Variants in LSAMP observed in about 807,000 individuals in gnomAD.
The protein encoded by LSAMP is limbic system-associated membrane protein.
A neutral mutation model predicts 38.6 loss-of-function variants in LSAMP; 7 were observed. The observed-to-expected ratio is 0.18, with a 90% CI of 0.10 to 0.34. The LOEUF is 0.34. Ranked by LOEUF, LSAMP falls within the 10% of genes least tolerant of loss-of-function variation. LSAMP has a pLI of 1.00. For missense variants in LSAMP, 313 were observed against 420.0 expected (o/e 0.75, Z 2.23); for synonymous variants, 154 against 166.8 (o/e 0.92, Z 0.59).
intron 3 of LSAMP, among the ~76,000 whole-genome samples, chr3:115,894,508 A>T (rs911640530): frequency 6.6e-6 from 1 of 152,054 alleles, no homozygotes; most frequent in Non-Finnish European, 1.5e-5. Context: ...GAATTTGGGG[A>T]TGAAGAAAAC....
chr3:116,051,392 T>C lies in LSAMP; in HGVS notation c.389-31752A>G, dbSNP rs191765575. 9 of 152,338 alleles carry C rather than the reference T, an allele frequency of 5.9e-5. No homozygotes were observed. In the East Asian group the frequency reaches 1.7e-3, roughly 29 times the overall value. The allele number at this position is 152,338 out of a possible 1,614,324, so 9.4% of individuals were successfully genotyped here. ...CCTGAGATGACTTCCAAAAGCTGCT[T>C]CTTGCAGCACAAATCTCCCTTTGAA... On this transcript the variant is annotated intron_variant, in intron 2 of 6. Coordinates refer to ENST00000490035, the MANE Select transcript of LSAMP (RefSeq NM_002338.5).
chr3:116,092,784 C>G (rs1708152147), intron 1 of LSAMP, among the ~76,000 whole-genome samples: 1 of 152,136 alleles, frequency 6.6e-6, no homozygotes, highest in South Asian at 2.1e-4. Context: ...ATGCTAAAAT[C>G]AGTTTGTACC....
chr3:115,947,659 C>T (rs574529089), intron 3 of LSAMP, among the ~76,000 whole-genome samples: 1 of 152,050 alleles, frequency 6.6e-6, no homozygotes, highest in East Asian at 1.9e-4. Context: ...ATTGTATGCA[C>T]ATTATAATTC....
intron 1 of LSAMP, among the ~76,000 whole-genome samples, chr3:116,401,670 C>CT (rs900377267): frequency 2.0e-5 from 3 of 152,144 alleles, no homozygotes; most frequent in Admixed American, 1.3e-4. Flanking sequence ...GCTTCTGACT[C>CT]TTTTTTTGCA....
chr3:116,389,769 A>T (rs1690038803), intron 1 of LSAMP, among the ~76,000 whole-genome samples: 1 of 152,162 alleles, frequency 6.6e-6, no homozygotes, highest in Non-Finnish European at 1.5e-5. Context: ...TCCTCTACTG[A>T]CTTCTGAACC....
At chr3:116,197,414 G>A (rs1710918287) in intron 1 of LSAMP, among the ~76,000 whole-genome samples, 1 of 152,000 alleles carries the variant, frequency 6.6e-6, no homozygotes. Flanking sequence ...TATAGTGCAG[G>A]CAATCATGGT....
chr3:116,146,691 T>C (rs963996398), intron 1 of LSAMP, among the ~76,000 whole-genome samples: 1 of 151,834 alleles, frequency 6.6e-6, no homozygotes, highest in South Asian at 2.1e-4. Context: ...TGCAGGGAAA[T>C]ACCATCTGAT....
At chr3:116,026,023 G>A (rs537389586) in intron 2 of LSAMP, among the ~76,000 whole-genome samples, 10 of 152,078 alleles carry the variant, frequency 6.6e-5, no homozygotes, top group South Asian at 2.1e-4. Context: ...GGGCTCAAGC[G>A]ATTCTTCTAC....
chr3:116,314,295 T>C (rs1262295073), intron 1 of LSAMP, among the ~76,000 whole-genome samples: 1 of 152,200 alleles, frequency 6.6e-6, no homozygotes, highest in African/African-American at 2.4e-5. Context: ...GAATTCATAA[T>C]AGTGCCAACT....
chr3:116,090,051 TG>T (rs746914643), intron 1 of LSAMP, among the ~76,000 whole-genome samples: 21 of 150,686 alleles, frequency 1.4e-4, no homozygotes, highest in African/African-American at 4.6e-4. Context: ...AAAGTACACA[TG>T]AAAAAAAATG....
intron 2 of LSAMP, among the ~76,000 whole-genome samples, chr3:116,072,174 A>G (rs1707622341): frequency 6.6e-6 from 1 of 151,646 alleles, no homozygotes; most frequent in South Asian, 2.1e-4. Context: ...ATGGGGTTTC[A>G]CCGTGTTAGC....
chr3:115,902,365 G>T (rs956711511), intron 3 of LSAMP, among the ~76,000 whole-genome samples: 4 of 151,902 alleles, frequency 2.6e-5, no homozygotes, highest in Non-Finnish European at 5.9e-5. Context: ...TCTTTAAAAA[G>T]GTTATGAATC....
At chr3:115,991,055 A>T (rs1043861471) in intron 3 of LSAMP, among the ~76,000 whole-genome samples, 5 of 151,864 alleles carry the variant, frequency 3.3e-5, no homozygotes, top group Admixed American at 3.3e-4. Flanking sequence ...CCTTCCCCCG[A>T]CCCCCGGCTA....
chr3:115,864,379 T>C (rs561953668), intron 3 of LSAMP, among the ~76,000 whole-genome samples: 3 of 152,332 alleles, frequency 2.0e-5, no homozygotes, highest in African/African-American at 7.2e-5. Context: ...ACCATCACTT[T>C]TCCTACAGGG....
chr3:115,889,836 C>G lies in LSAMP; in HGVS notation c.515-37219G>C, dbSNP rs552765856. On this transcript the variant is annotated intron_variant, in intron 3 of 6. Coordinates refer to ENST00000490035, the MANE Select transcript of LSAMP (RefSeq NM_002338.5). ...CGCAAAACGAATCCTGTCTGTGCTT[C>G]CATCACTACTAAAACAATGCGAAAA... Among the ~76,000 whole-genome samples, 6 of 152,018 alleles carry G rather than the reference C, an allele frequency of 3.9e-5. No homozygotes were observed. The South Asian group carries it at 1.2e-3, about 32-fold the overall frequency.
chr3:115,968,623 A>G (rs890417113), intron 3 of LSAMP, among the ~76,000 whole-genome samples: 2 of 152,052 alleles, frequency 1.3e-5, no homozygotes. Context: ...AGAGGGAAGG[A>G]GTCTCTCCCA....
At chr3:116,135,812 A>G (rs1436727957) in intron 1 of LSAMP, among the ~76,000 whole-genome samples, 2 of 152,188 alleles carry the variant, frequency 1.3e-5, no homozygotes, top group Non-Finnish European at 1.5e-5. Context: ...ATGAGATTGA[A>G]GATAATGCAT....
At chr3:115,923,239 T>A (rs1335483991) in intron 3 of LSAMP, among the ~76,000 whole-genome samples, 1 of 152,218 alleles carries the variant, frequency 6.6e-6, no homozygotes, top group East Asian at 1.9e-4. Context: ...AGCCAGATTG[T>A]TGGACTCACA....
intron 1 of LSAMP, among the ~76,000 whole-genome samples, chr3:116,303,940 A>C (rs2047448162): frequency 6.6e-6 from 1 of 152,198 alleles, no homozygotes; most frequent in African/African-American, 2.4e-5. Context: ...TGGCTGGTGT[A>C]ATGCCTATGG....
Sources: allele counts gnomAD v4.1 joint callset (sites outside exome capture counted in the v4.1 genomes callset), GRCh38; gene constraint gnomAD v4.1.1; transcripts MANE v1.5; gene names NCBI Gene and HGNC (gene_info 2026-07-23, HGNC 2026-07-21).